Variants in RBM47 observed in about 807,000 individuals in gnomAD.
RBM47 encodes RNA binding motif protein 47.
RBM47 carries 21 observed loss-of-function variants against 47.1 expected under a neutral mutation model. The observed-to-expected ratio is 0.45, with a 90% CI of 0.32 to 0.64. The LOEUF is 0.64. Ranked by LOEUF, RBM47 falls within the 30% of genes least tolerant of loss-of-function variation. The pLI, the probability that RBM47 is intolerant of heterozygous loss-of-function variation, is 0.05. For synonymous variants in RBM47, 375 were observed against 361.7 expected (o/e 1.04, Z -0.42); for missense variants, 708 against 870.9 (o/e 0.81, Z 2.35).
chr4:40,458,909 C>T (rs998754319), intron 3 of RBM47, among the ~76,000 whole-genome samples: 4 of 152,054 alleles, frequency 2.6e-5, no homozygotes, highest in Non-Finnish European at 5.9e-5. Flanking sequence ...GAAAAGTAAG[C>T]ACCATGAGTT....
In RBM47 at chr4:40,541,870, T is replaced by G. The variant is rs117558293; in HGVS notation, c.-155+2552A>C. On this transcript the variant is annotated intron_variant, in intron 2 of 6. Transcript: ENST00000295971. Reference sequence around the variant, plus strand: ...AAGTAGCTGCCTCTGTTCATTCTATTTAAAGCATTATTTTTTAAATCCTGC... The same window carrying G: ...AAGTAGCTGCCTCTGTTCATTCTATGTAAAGCATTATTTTTTAAATCCTGC... Among the ~76,000 whole-genome samples, 1,042 of 152,352 alleles carry G rather than the reference T, an allele frequency of 6.8e-3. 27 individuals are homozygous for G. The East Asian group carries it at 0.075, about 11-fold the overall frequency.
chr4:40,566,594 G>T lies in RBM47; in HGVS notation c.-239-22088C>A, dbSNP rs28552829. ...TGGGAGGCAGAGGTTGCAGTGAGCT[G>T]AGATAGCGCCACTACACTCCACGCT... is the stretch of plus-strand genomic sequence containing the variant. On this transcript the variant is annotated intron_variant, in intron 1 of 6. Coordinates refer to ENST00000295971, the MANE Select transcript of RBM47 (RefSeq NM_001098634.2). Among the ~76,000 whole-genome samples the T allele has an allele frequency of 8.2e-3, 1,247 of 152,120 alleles. 21 individuals are homozygous for T. Among genetic ancestry groups the T allele is most frequent in the African/African-American group, 0.026 (1,081 of 41,538 alleles).
rs768644905 is a variant in RBM47, at chr4:40,432,837, C to G, written c.1356G>C (p.Gln452His). The change falls in exon 6 of 7, where the codon CAG becomes CAC. Residue 452 changes from glutamine to histidine, a missense_variant. Transcript: ENST00000295971. ...CTGGAGCTGCTGGAAACATGGAATA[C>G]TGAGCCCCAATGGCAGGGATGGCTA... Reference protein sequence around the residue: ...GTVAIPAIGAQYSMFPAAPAP... With the variant: ...GTVAIPAIGAHYSMFPAAPAP... 6.8e-6 allele frequency: 11 copies of G among 1,613,364 alleles called. No homozygotes were observed. Among genetic ancestry groups the G allele is most frequent in the Non-Finnish European group, 9.3e-6 (11 of 1,179,860 alleles).
Position 40,614,700 on chromosome 4 carries a change from A to G in RBM47, c.-240+14696T>C, listed in dbSNP as rs1736563706. On this transcript the variant is annotated intron_variant, in intron 1 of 6. Transcript: ENST00000295971. ...AAAAAAAAAAATTAACTGAGCTGGCATACACTTGCAGTCCCAGCTACTGAG... is the reference window on the plus strand; with the variant it reads ...AAAAAAAAAAATTAACTGAGCTGGCGTACACTTGCAGTCCCAGCTACTGAG... Among the ~76,000 whole-genome samples, 5 of 152,156 alleles carry G rather than the reference A, an allele frequency of 3.3e-5. No individual in the cohort carries two copies. In the South Asian group the frequency reaches 1.0e-3, roughly 32 times the overall value.
At chr4:40,600,672 T>C (rs1365722365) in intron 1 of RBM47, among the ~76,000 whole-genome samples, 1 of 144,526 alleles carries the variant, frequency 6.9e-6, no homozygotes, top group Non-Finnish European at 1.5e-5. Context: ...GCTTTATAGA[T>C]GAAAGTTACA....
intron 1 of RBM47, among the ~76,000 whole-genome samples, chr4:40,623,534 A>T (rs564690202): frequency 1.3e-5 from 2 of 152,126 alleles, no homozygotes; most frequent in East Asian, 3.9e-4. Flanking sequence ...AGATCTCACT[A>T]TGTTACCCAG....
chr4:40,561,805 CT>C (rs1297879461), intron 1 of RBM47, among the ~76,000 whole-genome samples: 1 of 152,138 alleles, frequency 6.6e-6, no homozygotes, highest in East Asian at 1.9e-4. Context: ...CCATCTGGGC[CT>C]CCCTAAGTGC....
intron 1 of RBM47, among the ~76,000 whole-genome samples, chr4:40,562,574 T>A (rs1730733914): frequency 1.3e-5 from 2 of 150,768 alleles, no homozygotes; most frequent in African/African-American, 4.9e-5. Context: ...CAAGCAATTA[T>A]CCTGACTCAG....
Position 40,629,798 on chromosome 4 carries a change from C to G in RBM47, c.-642G>C, listed in dbSNP as rs1044849564. ...AGGCCGGGAGCGCGCGGCGGTTCCA[C>G]CCGCAGAGCGGCGCCGCGTCCCGGC... is the stretch of plus-strand genomic sequence containing the variant. On this transcript the variant is annotated 5_prime_UTR_variant, in exon 1 of 7. Coordinates refer to ENST00000295971, the MANE Select transcript of RBM47 (RefSeq NM_001098634.2). 6.6e-6 allele frequency: 1 copy of G among 152,230 alleles called. No individual in the cohort carries two copies. Among genetic ancestry groups the G allele is most frequent in the South Asian group, 2.1e-4 (1 of 4,834 alleles). The allele number at this position is 152,230 out of a possible 1,614,324, so 9.4% of individuals were successfully genotyped here. A position where few individuals can be genotyped will look rare whatever the true frequency, so the allele number is the denominator to read the frequency against.
At chr4:40,481,295 T>C (rs3105211) in intron 2 of RBM47, among the ~76,000 whole-genome samples, 81,311 of 144,174 alleles carry the variant, frequency 0.56, 24,884 homozygotes, top group African/African-American at 0.82. Context: ...TTTTTTGAGA[T>C]GGAGTCTCAC....
At chr4:40,439,489 A>C (rs1051923903) in intron 3 of RBM47, among the ~76,000 whole-genome samples, 1 of 152,184 alleles carries the variant, frequency 6.6e-6, no homozygotes, top group Admixed American at 6.5e-5. Context: ...AAATGTGCAC[A>C]TTGCCACGGG....
At chr4:40,510,900 C>A (rs1159007498) in intron 2 of RBM47, among the ~76,000 whole-genome samples, 1 of 152,080 alleles carries the variant, frequency 6.6e-6, no homozygotes, top group African/African-American at 2.4e-5. Context: ...GAAACCCTGT[C>A]TCTACTGAAA....
Position 40,432,870 on chromosome 4 carries a change from A to G in RBM47, c.1331-8T>C. On this transcript the variant is annotated splice_polypyrimidine_tract_variant and splice_region_variant and intron_variant, in intron 5 of 6. Coordinates refer to ENST00000295971, the MANE Select transcript of RBM47 (RefSeq NM_001098634.2). The stretch of plus-strand genomic sequence containing the variant: ...CAATGGCAGGGATGGCTACTGCAAG[A>G]GAAGCAAGAAGGAAAAACAGGTCAA... The G allele has an allele frequency of 6.2e-7, 1 of 1,613,378 alleles. No homozygotes were observed. The highest frequency in any genetic ancestry group is 8.5e-7 in the Non-Finnish European group (1 of 1,179,798).
At chr4:40,445,161 C>CTAG (rs201367995) in intron 3 of RBM47, among the ~76,000 whole-genome samples, 23,796 of 151,650 alleles carry the variant, frequency 0.16, 1,995 homozygotes, top group East Asian at 0.39. Flanking sequence ...GTAGTCCCAG[C>CTAG]CACAGGGGAG....
chr4:40,436,850 G>GCCT, intron 4 of RBM47: 1 of 694,762 alleles, frequency 1.4e-6, no homozygotes, highest in Non-Finnish European at 2.6e-6. Context: ...CTTAGTACAA[G>GCCT]AGGCAAACTT....
chr4:40,457,412 G>A (rs1377684170), intron 3 of RBM47, among the ~76,000 whole-genome samples: 1 of 123,896 alleles, frequency 8.1e-6, no homozygotes, highest in Non-Finnish European at 1.6e-5. Flanking sequence ...GACAGAGTGA[G>A]ACTCCATCTC....
At chr4:40,501,790 A>C (rs778281258) in intron 2 of RBM47, among the ~76,000 whole-genome samples, 9 of 152,198 alleles carry the variant, frequency 5.9e-5, no homozygotes, top group Non-Finnish European at 1.2e-4. Context: ...TGGTGAGCAG[A>C]AGCTTCCAAT....
chr4:40,519,202 T>C (rs1176233426), intron 2 of RBM47, among the ~76,000 whole-genome samples: 1 of 151,606 alleles, frequency 6.6e-6, no homozygotes, highest in Non-Finnish European at 1.5e-5. Context: ...CAGAGTGAGA[T>C]CTTGTCCTTA....
rs200356171 is a variant in RBM47, at chr4:40,620,195, GAAAAAAAAAAAA to G, written c.-240+9189_-240+9200del. ...TGGGCGATAGAGTGAGACTCAGTAT[GAAAAAAAAAAAA>G]AAAAAAAAAAAAACTCTGGGCCGGG... On this transcript the variant is annotated intron_variant, in intron 1 of 6. Transcript: ENST00000295971. Among the ~76,000 whole-genome samples the G allele has an allele frequency of 7.5e-5, 6 of 80,222 alleles. No homozygotes were observed. In the East Asian group the frequency reaches 2.1e-3, roughly 28 times the overall value. The allele number at this position is 80,222 out of a possible 152,430, so 52.6% of individuals were successfully genotyped here.
Sources: allele counts gnomAD v4.1 joint callset (sites outside exome capture counted in the v4.1 genomes callset), GRCh38; gene constraint gnomAD v4.1.1; transcripts MANE v1.5; gene names NCBI Gene and HGNC (gene_info 2026-07-23, HGNC 2026-07-21).